The following MEF2A variants were observed in gnomAD, a reference collection of about 807,000 sequenced individuals.
MEF2A encodes myocyte-specific enhancer factor 2A.
A neutral mutation model predicts 55.8 loss-of-function variants in MEF2A; 28 were observed. That is an observed-to-expected ratio of 0.50 (90% CI 0.37 to 0.69). The LOEUF (loss-of-function observed/expected upper bound fraction) is 0.69. Ranked by LOEUF, MEF2A falls within the 30% of genes least tolerant of loss-of-function variation. The probability of loss-of-function intolerance (pLI) is 0.00; values close to 1 mark genes in which losing one functional copy is unlikely to be tolerated. For missense variants in MEF2A, 528 were observed against 626.2 expected (o/e 0.84, Z 1.67); for synonymous variants, 239 against 227.1 (o/e 1.05, Z -0.47).
intron 7 of MEF2A, among the ~76,000 whole-genome samples, chr15:99,677,102 CAA>C (rs892158080): frequency 5.3e-5 from 8 of 151,750 alleles, no homozygotes; most frequent in Non-Finnish European, 7.4e-5. Context: ...GCCTGTGCGA[CAA>C]GAGCAAAACG....
chr15:99,712,550 C>G lies in MEF2A; in HGVS notation c.1297C>G (p.Pro433Ala). ...QQQQQQPPPP[P>A]QPQPQPPQPQ... ...GCAGCAGCAGCAGCCGCCGCCACCA[C>G]CGCAGCCCCAGCCACAACCCCCGCA... The change falls in exon 12 of 12, where the codon CCG becomes GCG. Residue 433 changes from proline to alanine, a missense_variant. Pro to Ala is a conservative substitution (Grantham distance 27, BLOSUM62 -1). This residue lies in a region of MEF2A where 450 missense variants were observed against 475.3 expected (regional missense o/e 0.95). Coordinates refer to ENST00000557942, the MANE Select transcript of MEF2A (RefSeq NM_001319206.4). The surrounding 1 kb of genome is among the most constrained non-coding windows in gnomAD (Gnocchi z 4.1). 9 of 1,550,434 alleles carry G rather than the reference C, an allele frequency of 5.8e-6. No homozygotes were observed. Among genetic ancestry groups the G allele is most frequent in the Non-Finnish European group, 7.9e-6 (9 of 1,146,350 alleles).
chr15:99,695,570 T>TGTGTGTGTGTGTG (rs200260929), intron 8 of MEF2A, among the ~76,000 whole-genome samples: 9 of 151,638 alleles, frequency 5.9e-5, no homozygotes, highest in Non-Finnish European at 1.2e-4. Flanking sequence ...TGTGTGTGTG[T>TGTGTGTGTGTGTG]TTCTTAAAAA....
chr15:99,672,044 G>C (rs2050978686), intron 5 of MEF2A, among the ~76,000 whole-genome samples: 1 of 152,104 alleles, frequency 6.6e-6, no homozygotes, highest in Non-Finnish European at 1.5e-5. Flanking sequence ...CTACTCCCAT[G>C]ACTTAAAAAC....
At chr15:99,667,014 C>T (rs923056051) in intron 4 of MEF2A, among the ~76,000 whole-genome samples, 16 of 152,270 alleles carry the variant, frequency 1.1e-4, no homozygotes, top group East Asian at 1.9e-4. Context: ...GATATTATAA[C>T]GAATACAGAT....
chr15:99,622,088 A>T (rs1162052043), intron 2 of MEF2A, among the ~76,000 whole-genome samples: 1 of 152,252 alleles, frequency 6.6e-6, no homozygotes, highest in African/African-American at 2.4e-5. Context: ...TATTAGTATT[A>T]AATTGGTCTG....
rs56758328 is a variant in MEF2A at position 99,706,477 on chromosome 15, A to G, written c.883-252A>G. 506 of 441,554 alleles carry G rather than the reference A, an allele frequency of 1.1e-3. 4 individuals carry two copies. Among genetic ancestry groups the G allele is most frequent in the African/African-American group, 9.1e-3 (460 of 50,418 alleles). 27.4% of individuals were successfully genotyped at this position (441,554 alleles called of 1,614,324 possible). On this transcript the variant is annotated intron_variant, in intron 9 of 11. Transcript: ENST00000557942. ...AACAAATAGAAGTGCTAATGCCTGT[A>G]ACAGAAGTTCCTATTTTAACGTGGG...
intron 1 of MEF2A, among the ~76,000 whole-genome samples, chr15:99,597,262 C>T (rs71403454): frequency 0.06 from 9,152 of 152,110 alleles, 350 homozygotes; most frequent in East Asian, 0.17. Context: ...AAAGAGAATG[C>T]GCACCTGGGG....
chr15:99,701,687 A>C (rs1175529271), intron 8 of MEF2A, among the ~76,000 whole-genome samples: 3 of 152,254 alleles, frequency 2.0e-5, no homozygotes, highest in African/African-American at 7.2e-5. Flanking sequence ...AATGCTGTCT[A>C]AAATTATTTC....
intron 2 of MEF2A, among the ~76,000 whole-genome samples, chr15:99,602,087 A>G (rs974973362): frequency 1.3e-5 from 2 of 152,132 alleles, no homozygotes; most frequent in African/African-American, 2.4e-5. Flanking sequence ...ACTGAGGGGT[A>G]TAAGGCAGAA....
chr15:99,700,175 T>G (rs2057188904), intron 8 of MEF2A, among the ~76,000 whole-genome samples: 1 of 56,540 alleles, frequency 1.8e-5, no homozygotes. Context: ...TACGTATATA[T>G]GTGTGTATAT....
In MEF2A at chr15:99,713,231, G is replaced by C; in HGVS notation, c.*460G>C. 1 of 395,250 alleles carries C rather than the reference G, an allele frequency of 2.5e-6. No individual in the cohort carries two copies. The highest frequency in any genetic ancestry group is 4.5e-6 in the Non-Finnish European group (1 of 224,568). 24.5% of individuals were successfully genotyped at this position (395,250 alleles called of 1,614,324 possible). A position where few individuals can be genotyped will look rare whatever the true frequency, so the allele number is the denominator to read the frequency against. On this transcript the variant is annotated 3_prime_UTR_variant, in exon 12 of 12. Coordinates refer to ENST00000557942, the MANE Select transcript of MEF2A (RefSeq NM_001319206.4). ...AGAGCAGTAGAAAAGCAGGAACCAA[G>C]AAAGCAATACTGTACATAAAATGTC...
chr15:99,594,037 T>G (rs1970286282), intron 1 of MEF2A, among the ~76,000 whole-genome samples: 1 of 152,148 alleles, frequency 6.6e-6, no homozygotes, highest in African/African-American at 2.4e-5. Flanking sequence ...AGTTCTCCAG[T>G]GGACACCAGC....
At chr15:99,689,024 C>T (rs2054847120) in intron 7 of MEF2A, among the ~76,000 whole-genome samples, 1 of 152,146 alleles carries the variant, frequency 6.6e-6, no homozygotes, top group African/African-American at 2.4e-5. Flanking sequence ...TGACTGACTA[C>T]AGTATTCATG....
intron 9 of MEF2A, chr15:99,706,457 A>G (rs2058052268): frequency 2.5e-6 from 1 of 402,206 alleles, no homozygotes; most frequent in Admixed American, 3.7e-5. Context: ...TGTGCAACAA[A>G]TAGAAGTGCT....
intron 8 of MEF2A, among the ~76,000 whole-genome samples, chr15:99,696,237 T>A (rs2056462783): frequency 6.6e-6 from 1 of 152,194 alleles, no homozygotes. Flanking sequence ...CTAGATGATT[T>A]GAGCAACACT....
chr15:99,666,613 A>AATAATAATAAT (rs1567374738), intron 4 of MEF2A, among the ~76,000 whole-genome samples: 1 of 91,904 alleles, frequency 1.1e-5, no homozygotes, highest in Admixed American at 1.1e-4. Context: ...ATAATAATAA[A>AATAATAATAAT]AAGATCAGCA....
chr15:99,618,240 G>A (rs1405415298), intron 2 of MEF2A, among the ~76,000 whole-genome samples: 7 of 152,182 alleles, frequency 4.6e-5, no homozygotes, highest in African/African-American at 1.2e-4. Context: ...AATCACTTGT[G>A]TAGTATTTTG....
intron 5 of MEF2A, 127 bp downstream of exon 5, chr15:99,671,581 T>C: frequency 6.2e-7 from 1 of 1,610,560 alleles, no homozygotes; most frequent in Non-Finnish European, 8.5e-7. Flanking sequence ...TCATATGTGC[T>C]AACTCCACAT....
chr15:99,630,727 A>G (rs1240070366), intron 2 of MEF2A, among the ~76,000 whole-genome samples: 1 of 152,178 alleles, frequency 6.6e-6, no homozygotes, highest in Non-Finnish European at 1.5e-5. Flanking sequence ...CCTTAATCGA[A>G]TGAGGGATTG....
Sources: gnomAD v4.1 joint callset for allele counts (sites outside exome capture counted in the v4.1 genomes callset) on GRCh38, gnomAD v4.1.1 for gene constraint, gnomAD v4.1.1 regional missense constraint, Gnocchi (gnomAD v3.1) non-coding constraint, MANE v1.5 for transcripts, NCBI Gene and HGNC (gene_info 2026-07-23, HGNC 2026-07-21) for gene names.